The following TMEM52 variants were observed in gnomAD, a reference collection of about 807,000 sequenced individuals.
TMEM52 encodes the protein transmembrane protein 52.
TMEM52 carries 14 observed loss-of-function variants against 16.2 expected under a neutral mutation model. That is an observed-to-expected ratio of 0.87 (90% CI 0.57 to 1.35). The LOEUF is 1.35. Ranked by LOEUF, TMEM52 falls within the 40% of genes most tolerant of loss-of-function variation. TMEM52 has a pLI of 0.00. For missense variants in TMEM52, 309 were observed against 278.6 expected (o/e 1.11, Z -0.78); for synonymous variants, 136 against 124.7 (o/e 1.09, Z -0.60).
rs775348428 is a variant in TMEM52, at chr1:1,918,318, C to A, written c.284G>T (p.Arg95Leu). The A allele has an allele frequency of 6.2e-7, 1 of 1,612,938 alleles. No individual in the cohort carries two copies. The highest frequency in any genetic ancestry group is 2.2e-5 in the East Asian group (1 of 44,870). Residue 95 changes from arginine (R) to leucine (L), a missense_variant, in exon 4 of 5, where the codon CGG (arginine) becomes CTG (leucine). Physicochemically the swap from Arg to Leu is moderately radical, Grantham distance 102. Coordinates refer to ENST00000310991, the MANE Select transcript of TMEM52 (RefSeq NM_178545.4). ...AQAQPHLPPA[R>L]QPCDVAVIPM... ...GATGACTGCCACGTCGCAGGGCTGCCGTGCTGGTGGCAGATGTGGCTGGGC... is the reference window on the plus strand; with the variant it reads ...GATGACTGCCACGTCGCAGGGCTGCAGTGCTGGTGGCAGATGTGGCTGGGC...
chr1:1,919,216 A>AGCG lies in TMEM52; in HGVS notation c.47_49dup (p.Pro16dup). ...CGGCAGGAGCGGCAGGAGCGGCAGG[A>AGCG]GCGGCAGCAGCAGCCGCAGTCCGCG... is the stretch of plus-strand genomic sequence containing the variant. On this transcript the variant is annotated inframe_insertion, in exon 1 of 5. Transcript: ENST00000310991. 7.3e-7 allele frequency: 1 copy of AGCG among 1,362,960 alleles called. No homozygotes were observed. Among genetic ancestry groups the AGCG allele is most frequent in the Non-Finnish European group, 9.4e-7 (1 of 1,065,246 alleles). The allele number at this position is 1,362,960 out of a possible 1,614,324, so 84.4% of individuals were successfully genotyped here. A position where few individuals can be genotyped will look rare whatever the true frequency, so the allele number is the denominator to read the frequency against.
chr1:1,918,589 G>C (rs1401674318), intron 3 of TMEM52, 158 bp from the exon 4 acceptor site: 1 of 792,758 alleles, frequency 1.3e-6, no homozygotes, highest in Non-Finnish European at 2.2e-6. Context: ...GCCTGGCCTC[G>C]GGCTGCTGGG....
At position 1,917,895 on chromosome 1, in the gene TMEM52, G is replaced by A. The variant is rs765587711; in HGVS notation, c.617C>T (p.Pro206Leu). 1 of 1,613,258 alleles carries A rather than the reference G, an allele frequency of 6.2e-7. No homozygotes were observed. Among genetic ancestry groups the A allele is most frequent in the Admixed American group, 1.7e-5 (1 of 59,990 alleles). The part of the protein sequence containing the change: ...GPNTQLPPCS[P>L]GAP ...CTCCTACCTCCTTCAAGGGGCACCA[G>A]GGCTACAAGGTGGTAGTTGAGTATT... The change falls in exon 5 of 5, where the codon CCT (proline) becomes CTT (leucine). Residue 206 changes from proline (P) to leucine (L), a missense_variant. Transcript: ENST00000310991.
chr1:1,918,844 C>T lies in TMEM52; in HGVS notation c.170+49G>A, dbSNP rs1223288079. Reference sequence around the variant, plus strand: ...CCTGGCGGGCCTGGCCCCGGTGACCCCCGCCCCAGAACCGTCGGACGCACG... The same window carrying T: ...CCTGGCGGGCCTGGCCCCGGTGACCTCCGCCCCAGAACCGTCGGACGCACG... On this transcript the variant is annotated intron_variant, in intron 3 of 4. Coordinates refer to ENST00000310991, the MANE Select transcript of TMEM52 (RefSeq NM_178545.4). 6.7e-6 allele frequency: 10 copies of T among 1,491,590 alleles called. No homozygotes were observed. In the South Asian group the frequency reaches 7.7e-5, roughly 11 times the overall value. 92.4% of individuals were successfully genotyped at this position (1,491,590 alleles called of 1,614,324 possible).
In TMEM52 at chr1:1,918,366, C is replaced by T. The variant is rs1651223392; in HGVS notation, c.236G>A (p.Cys79Tyr). The T allele has an allele frequency of 3.7e-6, 6 of 1,612,536 alleles. No individual in the cohort carries two copies. Among genetic ancestry groups the T allele is most frequent in the Non-Finnish European group, 5.1e-6 (6 of 1,179,922 alleles). ...CGVTAGCVRFCCLRKQAQAQP... is the reference protein window; with the variant it reads ...CGVTAGCVRFYCLRKQAQAQP... The stretch of plus-strand genomic sequence containing the variant: ...GGCCTGTGCCTGCTTCCGGAGGCAG[C>T]AGAACCGGACACAACCAGCTGTGAC... The change falls in exon 4 of 5, where the codon TGC (cysteine) becomes TAC (tyrosine). Residue 79 changes from cysteine to tyrosine, a missense_variant. Coordinates refer to ENST00000310991, the MANE Select transcript of TMEM52 (RefSeq NM_178545.4).
rs1651209322 is a variant in TMEM52, at chr1:1,918,094, AGT to A, written c.416_417del (p.Asp139ValfsTer20). 1 of 1,612,990 alleles carries A rather than the reference AGT, an allele frequency of 6.2e-7. No homozygotes were observed. The highest frequency in any genetic ancestry group is 8.5e-7 in the Non-Finnish European group (1 of 1,179,712). ...LPLPFGELDL[D>X]SMAPPAYSLY... ...AGGCTGTAGGCAGGAGGAGCCATGG[AGT>A]CCAGGTCCAGCTCCCCAAAGGGCAG... On this transcript the variant is annotated frameshift_variant, in exon 5 of 5. Coordinates refer to ENST00000310991, the MANE Select transcript of TMEM52 (RefSeq NM_178545.4). LOFTEE classifies it low-confidence loss of function (END_TRUNC).
At chr1:1,918,773 G>A in intron 3 of TMEM52, 120 bp downstream of exon 3, 1 of 1,237,092 alleles carries the variant, frequency 8.1e-7, no homozygotes, top group Non-Finnish European at 1.1e-6. Context: ...GTTCCCGCCA[G>A]CGGCCGGGAC....
intron 1 of TMEM52, 23 bp from the exon 2 acceptor site, chr1:1,919,111 G>T (rs758164721): frequency 4.5e-5 from 61 of 1,351,042 alleles, no homozygotes; most frequent in Non-Finnish European, 5.0e-5. Context: ...GGGTGAGCCC[G>T]GGAGGGGCGT....
In TMEM52 at chr1:1,919,100, A is replaced by G; in HGVS notation, c.85-12T>C. 7.4e-7 allele frequency: 1 copy of G among 1,350,840 alleles called. No homozygotes were observed. The highest frequency in any genetic ancestry group is 9.5e-7 in the Non-Finnish European group (1 of 1,056,300). 83.7% of individuals were successfully genotyped at this position (1,350,840 alleles called of 1,614,324 possible). The stretch of plus-strand genomic sequence containing the variant: ...AAGCCCAGCGCCACCTGTGGGGACA[A>G]GGGTGAGCCCGGGAGGGGCGTGGTC... On this transcript the variant is annotated splice_polypyrimidine_tract_variant and intron_variant, in intron 1 of 4. Coordinates refer to ENST00000310991, the MANE Select transcript of TMEM52 (RefSeq NM_178545.4).
intron 3 of TMEM52, 80 bp from the exon 4 acceptor site, chr1:1,918,511 A>C (rs1651229245): frequency 8.4e-7 from 1 of 1,195,884 alleles, no homozygotes. Context: ...TGGCACAACC[A>C]CCGAAGACAG....
At position 1,919,273 on chromosome 1, in the gene TMEM52, G is replaced by A; in HGVS notation, c.-8C>T. ...CAGCGGCCCCCGGGCCATGCTCTGA[G>A]GAGGTTGGAGCAAAGCCCGGCGGCG... On this transcript the variant is annotated 5_prime_UTR_variant, in exon 1 of 5. Coordinates refer to ENST00000310991, the MANE Select transcript of TMEM52 (RefSeq NM_178545.4). The A allele has an allele frequency of 1.4e-6, 2 of 1,381,772 alleles. No individual in the cohort carries two copies. The highest frequency in any genetic ancestry group is 9.3e-7 in the Non-Finnish European group (1 of 1,077,850). The allele number at this position is 1,381,772 out of a possible 1,614,324, so 85.6% of individuals were successfully genotyped here. A position where few individuals can be genotyped will look rare whatever the true frequency, so the allele number is the denominator to read the frequency against.
At position 1,917,947 on chromosome 1, in the gene TMEM52, T is replaced by A; in HGVS notation, c.565A>T (p.Thr189Ser). Reference protein sequence around the residue: ...PLLGASGLETTPVPQESGPNT... With the variant: ...PLLGASGLETSPVPQESGPNT... ...GGGCCCGACTCCTGGGGCACTGGAG[T>A]GGTCTCTAGGCCCGAGGCCCCAAGG... The change falls in exon 5 of 5, where the codon ACT (threonine) becomes TCT (serine). Residue 189 changes from threonine to serine, a missense_variant. Transcript: ENST00000310991. 1 of 1,613,690 alleles carries A rather than the reference T, an allele frequency of 6.2e-7. No individual in the cohort carries two copies. The highest frequency in any genetic ancestry group is 1.1e-5 in the South Asian group (1 of 91,082).
At chr1:1,918,966 G>T (rs1440948377) in intron 2 of TMEM52, 32 bp from the exon 3 acceptor site, 1 of 1,353,310 alleles carries the variant, frequency 7.4e-7, no homozygotes, top group Non-Finnish European at 9.4e-7. Context: ...GAGCAGGCGG[G>T]GCATGGGACG....
chr1:1,919,068 G>T lies in TMEM52; in HGVS notation c.105C>A (p.Asp35Glu), dbSNP rs1199897433. ...PLPQVALGFA[D>E]GSCDPSDQCP... ...ACTGGTCCGAGGGGTCGCAGCTGCCGTCCGCGAAGCCCAGCGCCACCTGTG... is the reference window on the plus strand; with the variant it reads ...ACTGGTCCGAGGGGTCGCAGCTGCCTTCCGCGAAGCCCAGCGCCACCTGTG... Residue 35 changes from aspartate to glutamate, a missense_variant, in exon 2 of 5, where the codon GAC becomes GAA. Physicochemically the swap from Asp to Glu is conservative, Grantham distance 45. Transcript: ENST00000310991. The T allele has an allele frequency of 7.5e-7, 1 of 1,339,714 alleles. No homozygotes were observed. Among genetic ancestry groups the T allele is most frequent in the South Asian group, 1.9e-5 (1 of 51,410 alleles). The allele number at this position is 1,339,714 out of a possible 1,614,324, so 83.0% of individuals were successfully genotyped here. A position where few individuals can be genotyped will look rare whatever the true frequency, so the allele number is the denominator to read the frequency against.
rs531020833 is a variant in TMEM52 at position 1,917,919 on chromosome 1, T to A, written c.593A>T (p.Asn198Ile). ...TTPVPQESGP[N>I]TQLPPCSPGA... Reference sequence around the variant, plus strand: ...AGGGCTACAAGGTGGTAGTTGAGTATTGGGGCCCGACTCCTGGGGCACTGG... The same window carrying A: ...AGGGCTACAAGGTGGTAGTTGAGTAATGGGGCCCGACTCCTGGGGCACTGG... Residue 198 changes from asparagine (N) to isoleucine (I), a missense_variant, in exon 5 of 5, where the codon AAT (asparagine) becomes ATT (isoleucine). Transcript: ENST00000310991. The A allele has an allele frequency of 1.9e-6, 3 of 1,613,626 alleles. No homozygotes were observed. In the African/African-American group the frequency reaches 4.0e-5, roughly 22 times the overall value.
At chr1:1,918,974 A>G in intron 2 of TMEM52, 40 bp from the exon 3 acceptor site, 1 of 1,346,920 alleles carries the variant, frequency 7.4e-7, no homozygotes, top group Non-Finnish European at 9.5e-7. Context: ...GGGGCATGGG[A>G]CGGCCGACCT....
Position 1,918,918 on chromosome 1 carries a change from G to T in TMEM52, c.145C>A (p.Arg49Ser). 1 of 1,391,238 alleles carries T rather than the reference G, an allele frequency of 7.2e-7. No individual in the cohort carries two copies. Among genetic ancestry groups the T allele is most frequent in the East Asian group, 2.9e-5 (1 of 34,724 alleles). 86.2% of individuals were successfully genotyped at this position (1,391,238 alleles called of 1,614,324 possible). A position where few individuals can be genotyped will look rare whatever the true frequency, so the allele number is the denominator to read the frequency against. Reference sequence around the variant, plus strand: ...CCCACGTGCCACAGGCTGCTCCAGCGGGCCTGGGGCGGGCACCTGTGGGGA... The same window carrying T: ...CCCACGTGCCACAGGCTGCTCCAGCTGGCCTGGGGCGGGCACCTGTGGGGA... ...DPSDQCPPQA[R>S]WSSLWHVGLI... Residue 49 changes from arginine (R) to serine (S), a missense_variant, in exon 3 of 5, where the codon CGC becomes AGC. Transcript: ENST00000310991.
At chr1:1,919,000 C>G in intron 2 of TMEM52, 45 bp downstream of exon 2, 1 of 1,342,380 alleles carries the variant, frequency 7.4e-7, no homozygotes, top group East Asian at 3.1e-5. Flanking sequence ...CCCGTGCCTC[C>G]CCATAGGGCG....
chr1:1,917,954 T>TAGGCCCG lies in TMEM52; in HGVS notation c.551_557dup (p.Glu187GlyfsTer21). ...ACTCCTGGGGCACTGGAGTGGTCTCTAGGCCCGAGGCCCCAAGGAGAGGGC... is the reference window on the plus strand; with the variant it reads ...ACTCCTGGGGCACTGGAGTGGTCTCTAGGCCCGAGGCCCGAGGCCCCAAGGAGAGGGC... On this transcript the variant is annotated frameshift_variant, in exon 5 of 5. Transcript: ENST00000310991. LOFTEE classifies it low-confidence loss of function (END_TRUNC). 14 of 1,613,898 alleles carry TAGGCCCG rather than the reference T, an allele frequency of 8.7e-6. No individual in the cohort carries two copies. The highest frequency in any genetic ancestry group is 1.2e-5 in the Non-Finnish European group (14 of 1,180,012).
Sources: allele counts gnomAD v4.1 joint callset, GRCh38; gene constraint gnomAD v4.1.1; transcripts MANE v1.5; gene names NCBI Gene and HGNC (gene_info 2026-07-23, HGNC 2026-07-21).